The following RNF17 variants were observed in gnomAD, a reference collection of about 807,000 sequenced individuals.
RNF17 encodes ring finger protein 17, also known as spermatogenesis associated 23.
Under a neutral mutation model 200.5 loss-of-function variants are expected in RNF17, and 31 were observed. That is an observed-to-expected ratio of 0.15 (90% CI 0.12 to 0.21). The LOEUF is 0.21. Among genes scored for constraint, RNF17 ranks in the 10% least tolerant of loss-of-function variants. RNF17 has a pLI of 1.00. For synonymous variants in RNF17, 606 were observed against 637.8 expected, an observed-to-expected ratio of 0.95 and a Z score of 0.75; for missense variants, 1,628 against 1,905.1, an observed-to-expected ratio of 0.85 and a Z score of 2.71.
At position 24,858,990 on chromosome 13, in the gene RNF17, CT is replaced by C. The variant is rs1284517852; in HGVS notation, c.3611-4del. 8 of 1,513,784 alleles carry C rather than the reference CT, an allele frequency of 5.3e-6. No individual in the cohort carries two copies. Among genetic ancestry groups the C allele is most frequent in the Admixed American group, 1.8e-5 (1 of 55,144 alleles). 93.8% of individuals were successfully genotyped at this position (1,513,784 alleles called of 1,614,324 possible). On this transcript the variant is annotated splice_polypyrimidine_tract_variant and intron_variant, in intron 25 of 35. Transcript: ENST00000255324. ...TCCTTAATGCTTTCTATCTTTAATA[CT>C]TTTTTTCAGAATTTGAGCTAATAAA...
chr13:24,868,295 C>A (rs956370584), intron 30 of RNF17, among the ~76,000 whole-genome samples: 4 of 149,846 alleles, frequency 2.7e-5, no homozygotes, highest in Non-Finnish European at 5.9e-5. Context: ...ACGGTGAAAC[C>A]CCGTCTCTAC....
downstream of RNF17, chr13:24,884,522 T>C: frequency 6.5e-7 from 1 of 1,545,016 alleles, no homozygotes; most frequent in Non-Finnish European, 8.9e-7. Flanking sequence ...GTATGGCTAA[T>C]TCTCCTCCCA....
chr13:24,842,764 G>C (rs970613659), intron 19 of RNF17, among the ~76,000 whole-genome samples: 1 of 152,070 alleles, frequency 6.6e-6, no homozygotes, highest in Admixed American at 6.6e-5. Flanking sequence ...GAGATGGGCG[G>C]ATCACTTGAG....
chr13:24,820,153 T>G (rs550742934), intron 15 of RNF17, among the ~76,000 whole-genome samples: 3 of 149,476 alleles, frequency 2.0e-5, no homozygotes, highest in Non-Finnish European at 4.4e-5. Context: ...ACAAGAGTCT[T>G]GCTCTCTTGC....
chr13:24,854,270 A>G, intron 25 of RNF17, 126 bp downstream of exon 25: 1 of 663,798 alleles, frequency 1.5e-6, no homozygotes, highest in Non-Finnish European at 2.6e-6. Flanking sequence ...GATTTCACAC[A>G]ATGCATGCAA....
At chr13:24,860,415 G>T in intron 26 of RNF17, among the ~76,000 whole-genome samples, 1 of 151,714 alleles carries the variant, frequency 6.6e-6, no homozygotes. Flanking sequence ...TATACACAAT[G>T]GATTTTTCAT....
intron 15 of RNF17, among the ~76,000 whole-genome samples, chr13:24,825,293 A>G (rs879355409): frequency 9.3e-5 from 14 of 151,142 alleles, no homozygotes; most frequent in Non-Finnish European, 1.5e-4. Context: ...GAAATGATAG[A>G]AAAATGTAAG....
At chr13:24,809,313 C>G (rs1419417724) in intron 15 of RNF17, among the ~76,000 whole-genome samples, 1 of 151,848 alleles carries the variant, frequency 6.6e-6, no homozygotes, top group African/African-American at 2.4e-5. Flanking sequence ...ATTATTGCCA[C>G]AATTTCAGCT....
chr13:24,799,670 T>G, intron 12 of RNF17, 86 bp downstream of exon 12: 1 of 777,394 alleles, frequency 1.3e-6, no homozygotes, highest in South Asian at 1.9e-5. Flanking sequence ...AAATTAGAGG[T>G]AGAGAGGAGT....
chr13:24,749,307 C>CTTTCTTTCTTTCTTTCT, the RNF17 span, among the ~76,000 whole-genome samples: 1 of 108,020 alleles, frequency 9.3e-6, no homozygotes, highest in Non-Finnish European at 1.8e-5. Context: ...TTCTTTCTTT[C>CTTTCTTTCTTTCTTTCT]TTTTTTTTTT....
upstream of RNF17, chr13:24,764,051 C>A: frequency 1.5e-6 from 1 of 670,512 alleles, no homozygotes; most frequent in Non-Finnish European, 2.5e-6. Flanking sequence ...CGGAAAACAG[C>A]CCCAGCCCCA....
chr13:24,829,324 ACT>A (rs1252255870), intron 16 of RNF17, among the ~76,000 whole-genome samples: 4 of 152,100 alleles, frequency 2.6e-5, no homozygotes, highest in Non-Finnish European at 5.9e-5. Context: ...TCCATGTCTG[ACT>A]CTGTTCTCAT....
intron 25 of RNF17, among the ~76,000 whole-genome samples, chr13:24,855,860 A>T (rs1246417498): frequency 6.6e-6 from 1 of 151,866 alleles, no homozygotes; most frequent in Non-Finnish European, 1.5e-5. Flanking sequence ...CGTAAACATC[A>T]TTTCTTCTAT....
At chr13:24,863,047 T>A (rs1233062377) in intron 28 of RNF17, among the ~76,000 whole-genome samples, 1 of 152,210 alleles carries the variant, frequency 6.6e-6, no homozygotes, top group Non-Finnish European at 1.5e-5. Context: ...GCTTGTTTTG[T>A]TACAGGGAGC....
chr13:24,772,355 T>C (rs1880862938), intron 2 of RNF17, among the ~76,000 whole-genome samples: 1 of 151,890 alleles, frequency 6.6e-6, no homozygotes, highest in Non-Finnish European at 1.5e-5. Flanking sequence ...TATTTTAGAA[T>C]TGTATTAATT....
intron 2 of RNF17, among the ~76,000 whole-genome samples, chr13:24,771,786 A>G (rs9507407): frequency 0.23 from 35,045 of 151,866 alleles, 4,533 homozygotes; most frequent in Non-Finnish European, 0.29. Flanking sequence ...TGGGTGGATC[A>G]CATGAGGTCG....
intron 18 of RNF17, among the ~76,000 whole-genome samples, chr13:24,838,978 C>G (rs962347224): frequency 6.6e-6 from 1 of 152,038 alleles, no homozygotes; most frequent in Admixed American, 6.6e-5. Flanking sequence ...GCGAAGTTTC[C>G]GGATACAAGA....
In RNF17 at chr13:24,820,339, C is replaced by T. The variant is rs540903791; in HGVS notation, c.2092-5280C>T. ...GTTTCACCATGTTGGCCAGGCTGGT[C>T]TAGAACTCCTGACCTCAGATGATCT... On this transcript the variant is annotated intron_variant, in intron 15 of 35. Coordinates refer to ENST00000255324, the MANE Select transcript of RNF17 (RefSeq NM_031277.3). Among the ~76,000 whole-genome samples, 16 of 152,230 alleles carry T rather than the reference C, an allele frequency of 1.1e-4. No individual in the cohort carries two copies. In the East Asian group the frequency reaches 1.5e-3, roughly 15 times the overall value.
At chr13:24,825,115 G>A (rs994066760) in intron 15 of RNF17, among the ~76,000 whole-genome samples, 1 of 152,076 alleles carries the variant, frequency 6.6e-6, no homozygotes, top group Non-Finnish European at 1.5e-5. Context: ...TCTTCAACAA[G>A]ACATGTTCAT....
Sources: allele counts gnomAD v4.1 joint callset (sites outside exome capture counted in the v4.1 genomes callset), GRCh38; gene constraint gnomAD v4.1.1; transcripts MANE v1.5; gene names NCBI Gene and HGNC (gene_info 2026-07-23, HGNC 2026-07-21).